The following POPDC3 variants were observed in gnomAD, a reference collection of about 807,000 sequenced individuals.
The protein encoded by POPDC3 is popeye domain-containing protein 3.
Under a neutral mutation model 28.2 loss-of-function variants are expected in POPDC3, and 20 were observed. The observed-to-expected ratio is 0.71, with a 90% confidence interval of 0.50 to 1.03. POPDC3 has a LOEUF of 1.03. Ranked by LOEUF, POPDC3 falls within the 50% of genes least tolerant of loss-of-function variation. The pLI, the probability that POPDC3 is intolerant of heterozygous loss-of-function variation, is 0.00. For synonymous variants in POPDC3, 118 were observed against 124.1 expected (o/e 0.95, Z 0.33); for missense variants, 316 against 345.9 (o/e 0.91, Z 0.69).
chr6:105,176,911 C>T (rs1774691540), intron 1 of POPDC3: 1 of 153,378 alleles, frequency 6.5e-6, no homozygotes, highest in Non-Finnish European at 1.4e-5. Flanking sequence ...ATTTTCACTT[C>T]ATGTTAAAGA....
chr6:105,173,560 G>T (rs2114546462), intron 1 of POPDC3, among the ~76,000 whole-genome samples: 1 of 152,244 alleles, frequency 6.6e-6, no homozygotes, highest in Non-Finnish European at 1.5e-5. Flanking sequence ...GGGGCAGGAG[G>T]AAGGGGTAGT....
chr6:105,179,304 C>T (rs1453580785), intron 1 of POPDC3: 18 of 956,798 alleles, frequency 1.9e-5, no homozygotes, highest in Non-Finnish European at 2.1e-5. Context: ...AGTGTGAGAG[C>T]ACTGACACCA....
chr6:105,171,661 A>G (rs893972519), intron 1 of POPDC3, among the ~76,000 whole-genome samples: 5 of 151,224 alleles, frequency 3.3e-5, no homozygotes, highest in African/African-American at 1.2e-4. Flanking sequence ...ACAGAGAAAG[A>G]CTCTGTCTCA....
In POPDC3 at chr6:105,179,854, G is replaced by C. The variant is rs535910570; in HGVS notation, c.-273C>G. The C allele has an allele frequency of 6.6e-6, 1 of 152,094 alleles. No homozygotes were observed. Among genetic ancestry groups the C allele is most frequent in the South Asian group, 2.1e-4 (1 of 4,834 alleles). The allele number at this position is 152,094 out of a possible 1,614,324, so 9.4% of individuals were successfully genotyped here. On this transcript the variant is annotated 5_prime_UTR_variant, in exon 1 of 4. Transcript: ENST00000254765. Reference sequence around the variant, plus strand: ...TTACCTTTCCTTCCCAGCCCTGCCCGGAGCTTCAGCCCGGCGCCCGCAGAA... The same window carrying C: ...TTACCTTTCCTTCCCAGCCCTGCCCCGAGCTTCAGCCCGGCGCCCGCAGAA...
At chr6:105,169,890 T>A (rs1189549981) in intron 1 of POPDC3, 1 of 152,216 alleles carries the variant, frequency 6.6e-6, no homozygotes, top group Non-Finnish European at 1.5e-5. Flanking sequence ...ACCACCGAAA[T>A]ATCCTGCTAC....
At chr6:105,163,809 T>C (rs1420081498) in intron 1 of POPDC3, 1 of 152,174 alleles carries the variant, frequency 6.6e-6, no homozygotes, top group Non-Finnish European at 1.5e-5. Flanking sequence ...AAGCTTAGAC[T>C]TACAACTTAT....
chr6:105,176,444 C>A (rs1417985076), intron 1 of POPDC3, among the ~76,000 whole-genome samples: 2 of 152,182 alleles, frequency 1.3e-5, no homozygotes, highest in African/African-American at 4.8e-5. Context: ...CGTTTATGTA[C>A]AAAGTTAGTT....
chr6:105,162,662 A>C (rs1198432999), intron 1 of POPDC3, among the ~76,000 whole-genome samples: 1 of 152,204 alleles, frequency 6.6e-6, no homozygotes. Context: ...AACTTGGGAG[A>C]CAGGCTTCAG....
At chr6:105,165,539 T>C (rs555726043) in intron 1 of POPDC3, among the ~76,000 whole-genome samples, 2 of 152,306 alleles carry the variant, frequency 1.3e-5, no homozygotes, top group East Asian at 3.9e-4. Flanking sequence ...CTCTATCCAA[T>C]GTAACAGATA....
chr6:105,170,684 A>G (rs1774557839), intron 1 of POPDC3, among the ~76,000 whole-genome samples: 1 of 152,188 alleles, frequency 6.6e-6, no homozygotes, highest in African/African-American at 2.4e-5. Context: ...ACAACAACAT[A>G]TGTGATCCTA....
rs1463290049 is a variant in POPDC3, at chr6:105,158,449, T to TA, written c.*20dup. The TA allele has an allele frequency of 2.5e-6, 4 of 1,572,122 alleles. No individual in the cohort carries two copies. The Admixed American group carries it at 5.5e-5, about 22-fold the overall frequency. On this transcript the variant is annotated 3_prime_UTR_variant, in exon 4 of 4. Transcript: ENST00000254765. ...TGAAGAGAGAGTCTTTTTTTATACT[T>TA]ATAAATTTCAGACTTTGATGTCATT... is the stretch of plus-strand genomic sequence containing the variant.
In POPDC3 at chr6:105,159,819, C is replaced by T. The variant is rs761054113; in HGVS notation, c.486G>A (p.Arg162=). The T allele has an allele frequency of 2.6e-5, 41 of 1,601,490 alleles. No homozygotes were observed. The highest frequency in any genetic ancestry group is 3.3e-5 in the Admixed American group (2 of 59,886). ...ATTCGCCATCAACTGTCACTCTGAT[C>T]CTATCAAAACACAAGAACAACATTT... ...IDKLSLLVSG[R]IRVTVDGEFL... The change falls in exon 3 of 4, where the codon AGG becomes AGA. Residue 162 remains arginine, a splice_region_variant and synonymous_variant. Coordinates refer to ENST00000254765, the MANE Select transcript of POPDC3 (RefSeq NM_022361.5).
intron 1 of POPDC3, among the ~76,000 whole-genome samples, chr6:105,175,865 G>T (rs1234294200): frequency 6.7e-6 from 1 of 150,258 alleles, no homozygotes; most frequent in African/African-American, 2.5e-5. Context: ...AAGAAAGAAA[G>T]AATAAAAACT....
At chr6:105,178,639 T>C (rs1313520928) in intron 1 of POPDC3, 3 of 679,576 alleles carry the variant, frequency 4.4e-6, no homozygotes, top group Non-Finnish European at 5.4e-6. Flanking sequence ...CTCAGAGATA[T>C]CTGGAATCTG....
At chr6:105,178,635 G>C in intron 1 of POPDC3, 3 of 641,494 alleles carry the variant, frequency 4.7e-6, no homozygotes, top group Non-Finnish European at 5.8e-6. Context: ...GAACCTCAGA[G>C]ATATCTGGAA....
At chr6:105,174,486 C>T (rs1238307483) in intron 1 of POPDC3, among the ~76,000 whole-genome samples, 1 of 152,180 alleles carries the variant, frequency 6.6e-6, no homozygotes, top group Admixed American at 6.5e-5. Flanking sequence ...AGATGCTCCC[C>T]AATGTACAAT....
chr6:105,174,521 CG>C (rs1562157715), intron 1 of POPDC3, among the ~76,000 whole-genome samples: 1 of 152,156 alleles, frequency 6.6e-6, no homozygotes, highest in African/African-American at 2.4e-5. Context: ...CTGAAAATAT[CG>C]TAAGTTGAAA....
intron 1 of POPDC3, among the ~76,000 whole-genome samples, chr6:105,166,305 C>T (rs1338890146): frequency 6.6e-6 from 1 of 152,168 alleles, no homozygotes; most frequent in Non-Finnish European, 1.5e-5. Context: ...GGTCTTAACA[C>T]CAGGTGTTTG....
chr6:105,170,073 T>C (rs1774546041), intron 1 of POPDC3: 1 of 152,224 alleles, frequency 6.6e-6, no homozygotes, highest in African/African-American at 2.4e-5. Context: ...CACTCAGCCC[T>C]ATAGTTGTGA....
Sources: gnomAD v4.1 joint callset for allele counts (sites outside exome capture counted in the v4.1 genomes callset) on GRCh38, gnomAD v4.1.1 for gene constraint, MANE v1.5 for transcripts, NCBI Gene and HGNC (gene_info 2026-07-23, HGNC 2026-07-21) for gene names.